DDX60L: variants seen among roughly 807,000 people sequenced by gnomAD.
DDX60L encodes the protein DExD/H-box 60 like, also known as probable ATP-dependent RNA helicase DDX60-like.
DDX60L carries 191 observed loss-of-function variants against 211.6 expected under a neutral mutation model. That is an observed-to-expected ratio of 0.90 (90% confidence interval 0.80 to 1.02). The LOEUF (loss-of-function observed/expected upper bound fraction) is 1.02, where lower values mean the gene tolerates loss of function less well. Among genes scored for constraint, DDX60L ranks in the 50% least tolerant of loss-of-function variants. The pLI, the probability that DDX60L is intolerant of heterozygous loss-of-function variation, is 0.00. For synonymous variants in DDX60L, 706 were observed against 694.1 expected, an observed-to-expected ratio of 1.02 and a Z score of -0.27; for missense variants, 2,007 against 1,984.1, an observed-to-expected ratio of 1.01 and a Z score of -0.22.
At chr4:168,469,877 C>G (rs971970440) in intron 4 of DDX60L, 1 of 151,624 alleles carries the variant, frequency 6.6e-6, no homozygotes, top group Non-Finnish European at 1.5e-5. Context: ...GACTCTGTCT[C>G]AAAATGAAGT....
chr4:168,386,890 A>G (rs891359928), intron 29 of DDX60L, among the ~76,000 whole-genome samples: 1 of 152,234 alleles, frequency 6.6e-6, no homozygotes, highest in Non-Finnish European at 1.5e-5. Context: ...GCATAAGAAT[A>G]TACATATTTT....
chr4:168,436,591 G>C (rs896398840), intron 10 of DDX60L, among the ~76,000 whole-genome samples: 4 of 152,186 alleles, frequency 2.6e-5, no homozygotes, highest in African/African-American at 9.7e-5. Context: ...TTCTCCAGAA[G>C]GCTGTAATTA....
At chr4:168,460,482 T>C (rs1167465568) in intron 5 of DDX60L, among the ~76,000 whole-genome samples, 1 of 152,204 alleles carries the variant, frequency 6.6e-6, no homozygotes, top group Non-Finnish European at 1.5e-5. Flanking sequence ...TCCAGTTAAA[T>C]GCATTTCTTG....
At chr4:168,392,355 T>C (rs2149727158) in intron 28 of DDX60L, among the ~76,000 whole-genome samples, 1 of 152,320 alleles carries the variant, frequency 6.6e-6, no homozygotes, top group Non-Finnish European at 1.5e-5. Context: ...TCAAATACAC[T>C]AATATTAACC....
chr4:168,361,147 A>T lies in DDX60L; in HGVS notation c.4991+2T>A. On this transcript the variant is annotated splice_donor_variant, in intron 37 of 37. Coordinates refer to ENST00000682922, the MANE Select transcript of DDX60L (RefSeq NM_001012967.3). LOFTEE classifies it high-confidence loss of function. ...GAAAATCAAACTCAGCATGAAACAT[A>T]CCTGATAGCCTGAATGTTGAATGCA... The T allele has an allele frequency of 6.2e-7, 1 of 1,600,720 alleles. No homozygotes were observed. The highest frequency in any genetic ancestry group is 8.5e-7 in the Non-Finnish European group (1 of 1,170,294).
intron 29 of DDX60L, among the ~76,000 whole-genome samples, chr4:168,390,730 G>A (rs1276167085): frequency 6.6e-6 from 1 of 151,812 alleles, no homozygotes; most frequent in African/African-American, 2.4e-5. Flanking sequence ...ATAAGGAAAT[G>A]AGAAGACTCT....
intron 5 of DDX60L, among the ~76,000 whole-genome samples, chr4:168,458,804 AAAATAAAGTT>A (rs1264230134): frequency 2.0e-5 from 3 of 152,260 alleles, no homozygotes; most frequent in African/African-American, 7.2e-5. Context: ...CCCAGAATTT[AAAATAAAGTT>A]AAATTAATTT....
At chr4:168,430,256 C>T (rs1406267886) in intron 13 of DDX60L, among the ~76,000 whole-genome samples, 1 of 152,074 alleles carries the variant, frequency 6.6e-6, no homozygotes, top group Non-Finnish European at 1.5e-5. Flanking sequence ...CTGATGCCAC[C>T]ACAGTTTCTG....
Position 168,394,543 on chromosome 4 carries a change from C to A in DDX60L, c.3732G>T (p.Gly1244=). ...ACATGCTGCTGTGATGATATCCAAT[C>A]CCCCTTTGTGCTAAAGCCTTCAGTT... is the stretch of plus-strand genomic sequence containing the variant. ...GKELKALAQR[G]IGYHHSSMYF... is the part of the protein sequence containing the mutation. The change falls in exon 28 of 38, where the codon GGG becomes GGT. Residue 1244 remains glycine (G), a synonymous_variant. Transcript: ENST00000682922. The A allele has an allele frequency of 6.2e-7, 1 of 1,613,572 alleles. No individual in the cohort carries two copies. The highest frequency in any genetic ancestry group is 1.1e-5 in the South Asian group (1 of 91,052).
chr4:168,474,191 C>A (rs1406107294), intron 1 of DDX60L, among the ~76,000 whole-genome samples: 1 of 152,122 alleles, frequency 6.6e-6, no homozygotes, highest in African/African-American at 2.4e-5. Flanking sequence ...AGGATTGCTA[C>A]AGACAGTATC....
In DDX60L at chr4:168,453,011, C is replaced by A. The variant is rs149564802; in HGVS notation, c.996+113G>T. ...AAATAAAAGTTGTTGAAAATAGGAA[C>A]TTGATTTATCAGCTAATTAGATCTG... is the stretch of plus-strand genomic sequence containing the variant. On this transcript the variant is annotated intron_variant, in intron 8 of 37. Coordinates refer to ENST00000682922, the MANE Select transcript of DDX60L (RefSeq NM_001012967.3). 36 of 1,125,216 alleles carry A rather than the reference C, an allele frequency of 3.2e-5. No homozygotes were observed. In the East Asian group the frequency reaches 9.0e-4, roughly 28 times the overall value. 69.7% of individuals were successfully genotyped at this position (1,125,216 alleles called of 1,614,324 possible). A position where few individuals can be genotyped will look rare whatever the true frequency, so the allele number is the denominator to read the frequency against.
In DDX60L at chr4:168,457,215, GA is replaced by G. The variant is rs201300695; in HGVS notation, c.723+676del. ...TGGGCAACAGAGTGAGGCCTTGTCTGAAAAAAAAACAAAACAAAACACCAAA... is the reference window on the plus strand; with the variant it reads ...TGGGCAACAGAGTGAGGCCTTGTCTGAAAAAAAACAAAACAAAACACCAAA... On this transcript the variant is annotated intron_variant, in intron 6 of 37. Transcript: ENST00000682922. 2.8e-5 allele frequency among the ~76,000 whole-genome samples: 4 copies of G among 141,020 alleles called. No individual in the cohort carries two copies. The Admixed American group carries it at 2.9e-4, about 10-fold the overall frequency. 92.5% of individuals were successfully genotyped at this position (141,020 alleles called of 152,430 possible).
intron 1 of DDX60L, among the ~76,000 whole-genome samples, chr4:168,477,788 T>C (rs1759785028): frequency 6.6e-6 from 1 of 152,184 alleles, no homozygotes; most frequent in Non-Finnish European, 1.5e-5. Context: ...CCAACAAGCC[T>C]GATGCTCACA....
At chr4:168,401,014 A>G (rs1579394262) in intron 25 of DDX60L, 36 bp from the exon 26 acceptor site, 1 of 1,246,538 alleles carries the variant, frequency 8.0e-7, no homozygotes, top group Non-Finnish European at 1.1e-6. Context: ...TGAAAAGACT[A>G]TGTTTCTATC....
At position 168,384,819 on chromosome 4, in the gene DDX60L, G is replaced by A. The variant is rs772357192; in HGVS notation, c.3916-7C>T. 7 of 1,610,044 alleles carry A rather than the reference G, an allele frequency of 4.3e-6. No homozygotes were observed. The highest frequency in any genetic ancestry group is 5.9e-6 in the Non-Finnish European group (7 of 1,177,844). ...TTCCAGCACGACCAGACATCTGGAAGCAGCAAAGAATCACAATGTAAAACC... is the reference window on the plus strand; with the variant it reads ...TTCCAGCACGACCAGACATCTGGAAACAGCAAAGAATCACAATGTAAAACC... On this transcript the variant is annotated splice_region_variant and splice_polypyrimidine_tract_variant and intron_variant, in intron 29 of 37. Coordinates refer to ENST00000682922, the MANE Select transcript of DDX60L (RefSeq NM_001012967.3).
rs186789357 is a variant in DDX60L at position 168,439,484 on chromosome 4, C to T, written c.1294+1853G>A. 8.4e-3 allele frequency among the ~76,000 whole-genome samples: 1,280 copies of T among 151,996 alleles called. 23 individuals carry two copies. The highest frequency in any genetic ancestry group is 0.028 in the African/African-American group (1,156 of 41,446). ...CCTGCCCTATAAATTTTGGACTTGC[C>T]GAGCCAGTCCCTATAATCAGGTAAG... is the stretch of plus-strand genomic sequence containing the variant. On this transcript the variant is annotated intron_variant, in intron 10 of 37. Coordinates refer to ENST00000682922, the MANE Select transcript of DDX60L (RefSeq NM_001012967.3).
intron 8 of DDX60L, among the ~76,000 whole-genome samples, chr4:168,450,527 G>A (rs1755664807): frequency 6.6e-6 from 1 of 150,874 alleles, no homozygotes; most frequent in African/African-American, 2.4e-5. Context: ...GGAAAGAGTT[G>A]CCTCCACTAC....
chr4:168,456,276 A>T (rs558890981), intron 6 of DDX60L, 124 bp from the exon 7 acceptor site: 1 of 462,606 alleles, frequency 2.2e-6, no homozygotes, highest in Non-Finnish European at 3.7e-6. Context: ...CGGAACTTCA[A>T]ATGTTTAGTT....
At chr4:168,435,166 T>A (rs1347929201) in intron 10 of DDX60L, among the ~76,000 whole-genome samples, 1 of 152,188 alleles carries the variant, frequency 6.6e-6, no homozygotes, top group African/African-American at 2.4e-5. Context: ...CAAGTTCATC[T>A]CACAGTGGGT....
Sources: allele counts gnomAD v4.1 joint callset (sites outside exome capture counted in the v4.1 genomes callset), GRCh38; gene constraint gnomAD v4.1.1; transcripts MANE v1.5; gene names NCBI Gene and HGNC (gene_info 2026-07-23, HGNC 2026-07-21).